DYNLL1: variants seen among roughly 807,000 people sequenced by gnomAD.
DYNLL1 encodes dynein light chain LC8-type 1.
In DYNLL1, 3 loss-of-function variants were observed where a neutral mutation model predicts 10.1. The observed-to-expected ratio is 0.30, with a 90% CI of 0.14 to 0.77. The LOEUF (loss-of-function observed/expected upper bound fraction) is 0.77. DYNLL1 is among the 30% of genes least tolerant of loss of function. DYNLL1 has a pLI of 0.66. For missense variants in DYNLL1, 47 were observed against 111.7 expected, an observed-to-expected ratio of 0.42 and a Z score of 2.61; for synonymous variants, 46 against 41.2, an observed-to-expected ratio of 1.12 and a Z score of -0.45.
At chr12:120,489,927 TA>T (rs1879084599) in intron 1 of DYNLL1, among the ~76,000 whole-genome samples, 1 of 152,196 alleles carries the variant, frequency 6.6e-6, no homozygotes, top group East Asian at 1.9e-4. Context: ...TTTTGTATTT[TA>T]GTAGAGACGG....
intron 1 of DYNLL1, among the ~76,000 whole-genome samples, chr12:120,481,006 A>G (rs998369545): frequency 4.0e-5 from 6 of 151,898 alleles, no homozygotes; most frequent in Non-Finnish European, 5.9e-5. Flanking sequence ...TGATCTGCCC[A>G]CCTTGGCCTC....
rs1375053687 is a variant in DYNLL1, at chr12:120,498,306, A to G, written c.*96A>G. On this transcript the variant is annotated 3_prime_UTR_variant, in exon 3 of 3. Coordinates refer to ENST00000242577, the MANE Select transcript of DYNLL1 (RefSeq NM_003746.3). Reference sequence around the variant, plus strand: ...AGAGACTGAAATTTTCAGCCTTGCTAAGGGAACATCTCGATGTTTGAACCT... The same window carrying G: ...AGAGACTGAAATTTTCAGCCTTGCTGAGGGAACATCTCGATGTTTGAACCT... 20 of 1,458,462 alleles carry G rather than the reference A, an allele frequency of 1.4e-5. No individual in the cohort carries two copies. The highest frequency in any genetic ancestry group is 1.8e-5 in the Non-Finnish European group (20 of 1,088,572). 90.3% of individuals were successfully genotyped at this position (1,458,462 alleles called of 1,614,324 possible).
In DYNLL1 at chr12:120,471,089, C is replaced by T. The variant is rs1410653488; in HGVS notation, c.-7+985C>T. ...ATATTAAAAATGAAACCTGGCTGGG[C>T]GTGGTGGCTCATGCCTGTAATCCCA... On this transcript the variant is annotated intron_variant, in intron 1 of 2. Transcript: ENST00000392509. 2.0e-5 allele frequency among the ~76,000 whole-genome samples: 3 copies of T among 150,700 alleles called. No individual in the cohort carries two copies. In the South Asian group the frequency reaches 6.3e-4, roughly 32 times the overall value.
intron 1 of DYNLL1, among the ~76,000 whole-genome samples, chr12:120,487,665 A>G (rs960692445): frequency 1.3e-5 from 2 of 152,186 alleles, no homozygotes; most frequent in African/African-American, 4.8e-5. Flanking sequence ...GCAAGCTTAC[A>G]GTGGCATGAA....
intron 1 of DYNLL1, among the ~76,000 whole-genome samples, chr12:120,474,836 A>C (rs1458216775): frequency 6.6e-6 from 1 of 152,188 alleles, no homozygotes; most frequent in Non-Finnish European, 1.5e-5. Flanking sequence ...AGAGCTATGG[A>C]ATGAGTCACT....
intron 1 of DYNLL1, among the ~76,000 whole-genome samples, chr12:120,487,502 G>A (rs1226615978): frequency 2.0e-5 from 3 of 151,802 alleles, no homozygotes; most frequent in Non-Finnish European, 4.4e-5. Flanking sequence ...GGGTTTCACC[G>A]TGTTAGTCAG....
intron 1 of DYNLL1, among the ~76,000 whole-genome samples, chr12:120,480,013 G>A (rs1018785019): frequency 1.3e-5 from 2 of 150,860 alleles, no homozygotes; most frequent in Non-Finnish European, 2.9e-5. Context: ...GGGGCCTTGA[G>A]GGGAGTATGG....
intron 1 of DYNLL1, among the ~76,000 whole-genome samples, chr12:120,480,716 G>T (rs918464249): frequency 6.6e-6 from 1 of 151,874 alleles, no homozygotes; most frequent in African/African-American, 2.4e-5. Context: ...CCTCTGAAAG[G>T]CCTTGTTGTC....
chr12:120,479,427 ATC>A (rs1384435828), intron 1 of DYNLL1, among the ~76,000 whole-genome samples: 1 of 139,056 alleles, frequency 7.2e-6, no homozygotes, highest in Admixed American at 7.9e-5. Context: ...CAGCCTGGGC[ATC>A]AAGAGTGAAA....
chr12:120,498,306 A>T lies in DYNLL1; in HGVS notation c.*96A>T. The T allele has an allele frequency of 4.8e-6, 7 of 1,458,582 alleles. No homozygotes were observed. The highest frequency in any genetic ancestry group is 6.4e-6 in the Non-Finnish European group (7 of 1,088,566). The allele number at this position is 1,458,582 out of a possible 1,614,324, so 90.4% of individuals were successfully genotyped here. ...AGAGACTGAAATTTTCAGCCTTGCT[A>T]AGGGAACATCTCGATGTTTGAACCT... On this transcript the variant is annotated 3_prime_UTR_variant, in exon 3 of 3. Coordinates refer to ENST00000242577, the MANE Select transcript of DYNLL1 (RefSeq NM_003746.3).
At chr12:120,479,688 CAGAA>C (rs1211924963) in intron 1 of DYNLL1, among the ~76,000 whole-genome samples, 1 of 151,930 alleles carries the variant, frequency 6.6e-6, no homozygotes, top group African/African-American at 2.4e-5. Flanking sequence ...GCATTCCAGA[CAGAA>C]AGAAAGCACT....
At chr12:120,481,355 C>T (rs757041820) in intron 1 of DYNLL1, among the ~76,000 whole-genome samples, 4 of 152,114 alleles carry the variant, frequency 2.6e-5, no homozygotes, top group Non-Finnish European at 5.9e-5. Flanking sequence ...AGGACTGAGT[C>T]CCACAAGACC....
At chr12:120,496,093 C>G, upstream of DYNLL1, 3 of 421,544 alleles carry the variant, frequency 7.1e-6, no homozygotes, top group Non-Finnish European at 1.3e-5. Context: ...TAGGCGGCGG[C>G]GGCTGGCGTG....
intron 2 of DYNLL1, chr12:120,497,288 G>GA (rs1451228251): frequency 6.5e-6 from 1 of 153,154 alleles, no homozygotes; most frequent in Non-Finnish European, 1.5e-5. Context: ...ATTTTGCAGA[G>GA]AAAGATAACC....
chr12:120,475,419 C>T (rs980937009), intron 1 of DYNLL1, among the ~76,000 whole-genome samples: 2 of 152,202 alleles, frequency 1.3e-5, no homozygotes, highest in Non-Finnish European at 2.9e-5. Context: ...TCCTGCCTCC[C>T]TGCCCCCTCA....
At chr12:120,483,727 G>A (rs1394943017) in intron 1 of DYNLL1, among the ~76,000 whole-genome samples, 1 of 152,176 alleles carries the variant, frequency 6.6e-6, no homozygotes, top group East Asian at 1.9e-4. Context: ...TTAAAGCCAT[G>A]AAAATGGAGA....
chr12:120,489,735 G>C (rs956952410), intron 1 of DYNLL1, among the ~76,000 whole-genome samples: 2 of 152,044 alleles, frequency 1.3e-5, no homozygotes, highest in East Asian at 3.9e-4. Context: ...GCGATGCTTG[G>C]TTCTCTTAGT....
In DYNLL1 at chr12:120,496,558, G is replaced by C; in HGVS notation, c.132+5G>C. The C allele has an allele frequency of 6.2e-7, 1 of 1,613,822 alleles. No individual in the cohort carries two copies. The highest frequency in any genetic ancestry group is 8.5e-7 in the Non-Finnish European group (1 of 1,179,942). ...ATTGCGGCTCATATCAAGAAGGTGA[G>C]GATGGGCGCGGGGGCCGATACGCAG... is the stretch of plus-strand genomic sequence containing the variant. On this transcript the variant is annotated splice_donor_5th_base_variant and intron_variant, in intron 2 of 2. Transcript: ENST00000242577.
At chr12:120,494,339 C>T (rs1879213686), upstream of DYNLL1, among the ~76,000 whole-genome samples, 3 of 150,020 alleles carry the variant, frequency 2.0e-5, no homozygotes, top group African/African-American at 2.5e-5. Flanking sequence ...TGCAATGGCG[C>T]GATCTCGGCT....
Sources: allele counts gnomAD v4.1 joint callset (sites outside exome capture counted in the v4.1 genomes callset), GRCh38; gene constraint gnomAD v4.1.1; transcripts MANE v1.5; gene names NCBI Gene and HGNC (gene_info 2026-07-23, HGNC 2026-07-21).